PLEKHG1: variants seen among roughly 807,000 people sequenced by gnomAD.
The protein encoded by PLEKHG1 is pleckstrin homology and RhoGEF domain containing G1, also known as pleckstrin homology domain-containing family G member 1.
A neutral mutation model predicts 100.8 loss-of-function variants in PLEKHG1; 44 were observed. The observed-to-expected ratio is 0.44, with a 90% CI of 0.34 to 0.56. The LOEUF (loss-of-function observed/expected upper bound fraction) is 0.56, where lower values mean the gene tolerates loss of function less well. Ranked by LOEUF, PLEKHG1 falls within the 20% of genes least tolerant of loss-of-function variation. PLEKHG1 has a pLI of 0.01. For missense variants in PLEKHG1, 1,545 were observed against 1,720.9 expected (o/e 0.90, Z 1.81); for synonymous variants, 640 against 662.5 (o/e 0.97, Z 0.52).
At chr6:150,745,542 G>A (rs545813798) in intron 2 of PLEKHG1, among the ~76,000 whole-genome samples, 11 of 152,078 alleles carry the variant, frequency 7.2e-5, no homozygotes, top group African/African-American at 2.4e-4. Context: ...AATTAGCTGG[G>A]TGTGGTGGCA....
intron 1 of PLEKHG1, among the ~76,000 whole-genome samples, chr6:150,619,532 A>G (rs1466615260): frequency 1.3e-5 from 2 of 152,152 alleles, no homozygotes; most frequent in African/African-American, 2.4e-5. Context: ...TTTCATCTGA[A>G]TTAATTGAGT....
At chr6:150,671,399 T>G (rs1048716295) in intron 3 of PLEKHG1, among the ~76,000 whole-genome samples, 3 of 152,226 alleles carry the variant, frequency 2.0e-5, no homozygotes, top group Admixed American at 6.5e-5. Context: ...CACCATATGT[T>G]GCTTCTTTTT....
intron 7 of PLEKHG1, among the ~76,000 whole-genome samples, chr6:150,806,144 G>A (rs776160561): frequency 6.7e-6 from 1 of 149,666 alleles, no homozygotes; most frequent in Non-Finnish European, 1.5e-5. Context: ...TAGGTTTCAG[G>A]TATAGGCAGC....
chr6:150,767,220 T>C (rs189700154), intron 2 of PLEKHG1, among the ~76,000 whole-genome samples: 3 of 152,304 alleles, frequency 2.0e-5, no homozygotes, highest in Admixed American at 2.0e-4. Context: ...TTTTTGGGCC[T>C]TTTTTGGGCC....
rs1562540321 is a variant in PLEKHG1 at position 150,810,539 on chromosome 6, G to GAAAGAAAGAAAGAAAGAAAGA, written c.1278+807_1278+808insAGAAAGAAAGAAAGAAAGAAA. 1.1e-3 allele frequency among the ~76,000 whole-genome samples: 118 copies of GAAAGAAAGAAAGAAAGAAAGA among 104,992 alleles called. 1 individual carries two copies. The highest frequency in any genetic ancestry group is 4.8e-3 in the African/African-American group (112 of 23,132). 68.9% of individuals were successfully genotyped at this position (104,992 alleles called of 152,430 possible). ...AAAAGAAAGAAAGAAAGAAAGAAAG[G>GAAAGAAAGAAAGAAAGAAAGA]AAGAAAGGAAGGAAAGAAAGAAAGA... On this transcript the variant is annotated intron_variant, in intron 10 of 15. Transcript: ENST00000358517.
At chr6:150,771,341 CG>C (rs1562503822) in intron 3 of PLEKHG1, among the ~76,000 whole-genome samples, 1 of 151,574 alleles carries the variant, frequency 6.6e-6, no homozygotes, top group Non-Finnish European at 1.5e-5. Context: ...CACTTGAACC[CG>C]GGAGGTGGAG....
exon 2 of PLEKHG1, chr6:150,733,862 C>T (rs757116968): frequency 6.2e-7 from 1 of 1,614,196 alleles, no homozygotes; most frequent in South Asian, 1.1e-5. Flanking sequence ...TCCTGCCAGG[C>T]CGTTTTCCAG....
At chr6:150,650,514 T>G (rs1022841856) in intron 2 of PLEKHG1, among the ~76,000 whole-genome samples, 1 of 152,216 alleles carries the variant, frequency 6.6e-6, no homozygotes, top group African/African-American at 2.4e-5. Flanking sequence ...ATTTTTTCAT[T>G]TTTTAATTAA....
chr6:150,834,011 C>CT (rs769930351), intron 15 of PLEKHG1, among the ~76,000 whole-genome samples: 174 of 149,776 alleles, frequency 1.2e-3, no homozygotes, highest in Non-Finnish European at 1.9e-3. Flanking sequence ...CTGTAGGGAA[C>CT]TTTTTTTTTT....
chr6:150,610,251 G>A (rs891690604), intron 1 of PLEKHG1, among the ~76,000 whole-genome samples: 4 of 152,172 alleles, frequency 2.6e-5, no homozygotes, highest in Admixed American at 2.6e-4. Context: ...ACAGGCACCT[G>A]CCACCATGCT....
chr6:150,735,823 T>G (rs1019558980), intron 2 of PLEKHG1, among the ~76,000 whole-genome samples: 10 of 152,352 alleles, frequency 6.6e-5, no homozygotes, highest in African/African-American at 2.2e-4. Context: ...CTTTAATTAC[T>G]GAACTAGTAT....
chr6:150,700,267 G>A (rs1319257224), intron 3 of PLEKHG1, among the ~76,000 whole-genome samples: 1 of 152,204 alleles, frequency 6.6e-6, no homozygotes, highest in Non-Finnish European at 1.5e-5. Context: ...GCATGCAGAA[G>A]CCTCATTCTG....
intron 10 of PLEKHG1, among the ~76,000 whole-genome samples, chr6:150,816,193 T>G (rs978428492): frequency 6.6e-6 from 1 of 152,064 alleles, no homozygotes; most frequent in Non-Finnish European, 1.5e-5. Flanking sequence ...TCACTGTCAC[T>G]GCAGAAAACC....
At chr6:150,820,345 C>T (rs1331488770) in intron 12 of PLEKHG1, among the ~76,000 whole-genome samples, 1 of 152,154 alleles carries the variant, frequency 6.6e-6, no homozygotes, top group Non-Finnish European at 1.5e-5. Flanking sequence ...TGAAAAATCA[C>T]GTCCTATGAG....
chr6:150,613,203 G>A (rs1271398659), intron 1 of PLEKHG1, among the ~76,000 whole-genome samples: 1 of 152,140 alleles, frequency 6.6e-6, no homozygotes. Flanking sequence ...AGATATCAGA[G>A]TCTTGCTGTC....
chr6:150,663,341 G>A (rs759664523), intron 3 of PLEKHG1: 15 of 152,140 alleles, frequency 9.9e-5, no homozygotes, highest in Admixed American at 2.0e-4. Context: ...CAGTTGTTTA[G>A]CAAATGGCTT....
intron 4 of PLEKHG1, among the ~76,000 whole-genome samples, chr6:150,788,743 G>A (rs967342696): frequency 1.2e-4 from 19 of 152,130 alleles, no homozygotes; most frequent in African/African-American, 4.6e-4. Flanking sequence ...GTTTAGGAGG[G>A]AGACAAAGTC....
At chr6:150,613,805 C>T (rs2128554332) in intron 1 of PLEKHG1, among the ~76,000 whole-genome samples, 1 of 152,322 alleles carries the variant, frequency 6.6e-6, no homozygotes, top group South Asian at 2.1e-4. Flanking sequence ...CTAGTATCCT[C>T]CAGCACCAAA....
chr6:150,793,582 A>G lies in PLEKHG1; in HGVS notation c.583-2274A>G, dbSNP rs565512637. Among the ~76,000 whole-genome samples, 242 of 152,350 alleles carry G rather than the reference A, an allele frequency of 1.6e-3. No individual in the cohort carries two copies. In the Middle Eastern group the frequency reaches 0.027, roughly 17 times the overall value. ...CAACTCCTAATAAATTAATAGATCT[A>G]GCCAATAAGTACCAATGGTTGTTAG... On this transcript the variant is annotated intron_variant, in intron 4 of 15. Transcript: ENST00000358517.
Sources: gnomAD v4.1 joint callset for allele counts (sites outside exome capture counted in the v4.1 genomes callset) on GRCh38, gnomAD v4.1.1 for gene constraint, MANE v1.5 for transcripts, NCBI Gene and HGNC (gene_info 2026-07-23, HGNC 2026-07-21) for gene names.